Variants in KRT26 observed in about 807,000 individuals in gnomAD.
KRT26 encodes keratin 26, also known as keratin, type I cytoskeletal 26.
In KRT26, 45 loss-of-function variants were observed where a neutral mutation model predicts 46.1. That is an observed-to-expected ratio of 0.98 (90% CI 0.77 to 1.25). The LOEUF (loss-of-function observed/expected upper bound fraction) is 1.25, where lower values mean the gene tolerates loss of function less well. Among genes scored for constraint, KRT26 ranks in the 50% most tolerant of loss-of-function variants. The pLI, the probability that KRT26 is intolerant of heterozygous loss-of-function variation, is 0.00. For synonymous variants in KRT26, 191 were observed against 209.9 expected (o/e 0.91, Z 0.78); for missense variants, 582 against 560.1 (o/e 1.04, Z -0.39).
intron 1 of KRT26, 35 bp from the exon 2 acceptor site, chr17:40,771,271 C>A: frequency 8.3e-7 from 1 of 1,209,970 alleles, no homozygotes; most frequent in African/African-American, 1.5e-5. Flanking sequence ...TGTTAATTAC[C>A]AAAAGTCAAA....
At chr17:40,771,355 T>C (rs1168760181) in intron 1 of KRT26, 119 bp from the exon 2 acceptor site, 6 of 619,232 alleles carry the variant, frequency 9.7e-6, no homozygotes, top group Non-Finnish European at 1.7e-5. Context: ...CTTTTTTCTA[T>C]GTTAAAGAAA....
At chr17:40,769,316 C>T (rs1160202671) in intron 5 of KRT26, among the ~76,000 whole-genome samples, 1 of 152,018 alleles carries the variant, frequency 6.6e-6, no homozygotes, top group Non-Finnish European at 1.5e-5. Flanking sequence ...GCCACCACAC[C>T]CAGCTAATTT....
chr17:40,771,868 A>G (rs957868601), exon 1 of KRT26: 22 of 1,614,030 alleles, frequency 1.4e-5, no homozygotes, highest in Non-Finnish European at 1.8e-5. Flanking sequence ...TCACCTTTTC[A>G]TTCCCAGAGA....
intron 6 of KRT26, among the ~76,000 whole-genome samples, chr17:40,768,320 G>A (rs1275661221): frequency 6.6e-6 from 1 of 152,178 alleles, no homozygotes; most frequent in Non-Finnish European, 1.5e-5. Context: ...CTTGTTACAA[G>A]TATGGTTTTG....
At chr17:40,771,583 A>G in intron 1 of KRT26, 90 bp downstream of exon 1, 1 of 1,192,032 alleles carries the variant, frequency 8.4e-7, no homozygotes, top group South Asian at 1.5e-5. Flanking sequence ...TACATCACAT[A>G]AATTTGTTAG....
exon 8 of KRT26, chr17:40,766,466 T>TTCTC (rs35253595): frequency 7.3e-6 from 10 of 1,372,974 alleles, no homozygotes; most frequent in African/African-American, 4.4e-5. Context: ...CTTTCTTTCT[T>TTCTC]TCTCTCTCTC....
chr17:40,768,879 C>A, exon 6 of KRT26: 1 of 1,445,238 alleles, frequency 6.9e-7, no homozygotes, highest in Non-Finnish European at 9.5e-7. Flanking sequence ...TAATCTTTAC[C>A]TTTCTTCTCC....
chr17:40,769,699 T>C, intron 5 of KRT26, 55 bp downstream of exon 5: 1 of 1,562,226 alleles, frequency 6.4e-7, no homozygotes, highest in Non-Finnish European at 8.8e-7. Flanking sequence ...TTTATATCTG[T>C]ATTGACTTAT....
chr17:40,770,468 T>G, intron 2 of KRT26, 59 bp from the exon 3 acceptor site: 2 of 1,361,008 alleles, frequency 1.5e-6, no homozygotes, highest in Non-Finnish European at 2.0e-6. Flanking sequence ...AAGCACAACT[T>G]TTTAAGGTAT....
chr17:40,769,880 C>G lies in KRT26; in HGVS notation c.844-1G>C. The G allele has an allele frequency of 5.6e-6, 9 of 1,614,148 alleles. No individual in the cohort carries two copies. The highest frequency in any genetic ancestry group is 7.6e-6 in the Non-Finnish European group (9 of 1,180,024). On this transcript the variant is annotated splice_acceptor_variant, in intron 4 of 7. Transcript: ENST00000335552. LOFTEE classifies it high-confidence loss of function. ...AAATCTGTTGTTGCAGCGTTGCACT[C>G]TGAAGTGTAATTGTCGAAAGGGTTA...
At chr17:40,767,648 C>T (rs369576230) in exon 7 of KRT26, 2 of 1,602,928 alleles carry the variant, frequency 1.2e-6, no homozygotes, top group African/African-American at 1.3e-5. Flanking sequence ...TGTGGATTTG[C>T]TTTTTCTGTG....
At position 40,769,838 on chromosome 17, in the gene KRT26, T is replaced by A. The variant is rs954457412; in HGVS notation, c.885A>T (p.Ala295=). 1.4e-5 allele frequency: 22 copies of A among 1,614,112 alleles called. No homozygotes were observed. In the Admixed American group the frequency reaches 2.0e-4, roughly 15 times the overall value. The change falls in exon 5 of 8, where the codon GCA becomes GCT. Residue 295 remains alanine (A), a synonymous_variant. Coordinates refer to ENST00000335552, the Ensembl canonical transcript of KRT26. ...TCAGCTCATTTCTGGCTGCTGTGGCTGCTCCCTCATGATCGGAAATCTGTT... is the reference window on the plus strand; with the variant it reads ...TCAGCTCATTTCTGGCTGCTGTGGCAGCTCCCTCATGATCGGAAATCTGTT...
intron 6 of KRT26, 69 bp from the exon 7 acceptor site, chr17:40,767,722 T>C: frequency 1.2e-6 from 1 of 805,532 alleles, no homozygotes; most frequent in South Asian, 1.7e-5. Context: ...TACCTCTAAA[T>C]TGGAAATAAG....
rs765693900 is a variant in KRT26, at chr17:40,770,149, C to G, written c.682-27G>C. ...TAGAAAAGGGATCGGTATTCATCCT[C>G]AGTGGAGGATTTTGATTGATGTTCA... is the stretch of plus-strand genomic sequence containing the variant. On this transcript the variant is annotated intron_variant, in intron 3 of 7. Transcript: ENST00000335552. 4 of 1,613,836 alleles carry G rather than the reference C, an allele frequency of 2.5e-6. No individual in the cohort carries two copies. The African/African-American group carries it at 5.3e-5, about 22-fold the overall frequency.
intron 6 of KRT26, among the ~76,000 whole-genome samples, chr17:40,768,133 G>A (rs563806202): frequency 6.6e-6 from 1 of 152,206 alleles, no homozygotes; most frequent in Non-Finnish European, 1.5e-5. Context: ...TCACTGTTGG[G>A]TTCCTGTGAG....
At chr17:40,770,313 C>T (rs144826934) in exon 3 of KRT26, 2 of 1,613,990 alleles carry the variant, frequency 1.2e-6, no homozygotes, top group Non-Finnish European at 1.7e-6. Context: ...ACTGTATCTC[C>T]AGGTCGGTTG....
chr17:40,769,993 G>C, exon 4 of KRT26: 1 of 1,614,132 alleles, frequency 6.2e-7, no homozygotes, highest in East Asian at 2.2e-5. Flanking sequence ...GCATCTTTGC[G>C]GTTCTGCTCA....
At chr17:40,770,213 A>C in intron 3 of KRT26, 40 bp downstream of exon 3, 1 of 1,613,854 alleles carries the variant, frequency 6.2e-7, no homozygotes, top group Non-Finnish European at 8.5e-7. Context: ...TCAAGAAGGA[A>C]ATTAGAAACT....
intron 7 of KRT26, 144 bp from the exon 8 acceptor site, chr17:40,766,810 G>A (rs1180149529): frequency 5.3e-6 from 3 of 567,520 alleles, no homozygotes; most frequent in Non-Finnish European, 9.3e-6. Flanking sequence ...CATGATCTCG[G>A]CTCACTGCAG....
Sources: gnomAD v4.1 joint callset for allele counts (sites outside exome capture counted in the v4.1 genomes callset) on GRCh38, gnomAD v4.1.1 for gene constraint, MANE v1.5 for transcripts, NCBI Gene and HGNC (gene_info 2026-07-23, HGNC 2026-07-21) for gene names.